The following KCNIP4 variants were observed in gnomAD, a reference collection of about 807,000 sequenced individuals.
KCNIP4 encodes the protein Kv channel-interacting protein 4.
In KCNIP4, 12 loss-of-function variants were observed where a neutral mutation model predicts 34.0. That is an observed-to-expected ratio of 0.35 (90% CI 0.23 to 0.57). The LOEUF is 0.57. Among genes scored for constraint, KCNIP4 ranks in the 20% least tolerant of loss-of-function variants. KCNIP4 has a pLI of 0.83. For missense variants in KCNIP4, 238 were observed against 311.7 expected, an observed-to-expected ratio of 0.76 and a Z score of 1.78; for synonymous variants, 124 against 102.2, an observed-to-expected ratio of 1.21 and a Z score of -1.29.
At chr4:21,651,660 G>A (rs1291946681) in intron 1 of KCNIP4, among the ~76,000 whole-genome samples, 1 of 152,144 alleles carries the variant, frequency 6.6e-6, no homozygotes, top group Admixed American at 6.6e-5. Context: ...AGAAACTAAT[G>A]AATTCTTTTA....
chr4:21,111,700 G>T (rs1360294294), intron 1 of KCNIP4, among the ~76,000 whole-genome samples: 1 of 152,200 alleles, frequency 6.6e-6, no homozygotes, highest in Non-Finnish European at 1.5e-5. Flanking sequence ...TCCTGTGGAC[G>T]CTGCCTTGGA....
At chr4:21,871,780 C>A (rs1725831999) in intron 1 of KCNIP4, among the ~76,000 whole-genome samples, 1 of 138,082 alleles carries the variant, frequency 7.2e-6, no homozygotes, top group Non-Finnish European at 1.6e-5. Flanking sequence ...CCCCACCCAC[C>A]CCCACCCCCC....
chr4:21,894,041 A>G (rs1256145974), intron 1 of KCNIP4, among the ~76,000 whole-genome samples: 1 of 152,050 alleles, frequency 6.6e-6, no homozygotes, highest in Non-Finnish European at 1.5e-5. Context: ...TTTTTAAATA[A>G]AACAATGAGG....
intron 1 of KCNIP4, among the ~76,000 whole-genome samples, chr4:21,718,073 T>G (rs1336426298): frequency 3.3e-5 from 5 of 152,206 alleles, no homozygotes; most frequent in African/African-American, 7.2e-5. Context: ...GAAATAAGCA[T>G]GCAAACTTTA....
At chr4:20,994,255 A>AT (rs1204955822) in intron 1 of KCNIP4, among the ~76,000 whole-genome samples, 1 of 152,168 alleles carries the variant, frequency 6.6e-6, no homozygotes, top group Non-Finnish European at 1.5e-5. Context: ...TATATTAGTT[A>AT]TTTTTAACAG....
chr4:20,847,653 A>G (rs1720536689), intron 3 of KCNIP4, among the ~76,000 whole-genome samples: 1 of 152,126 alleles, frequency 6.6e-6, no homozygotes, highest in Non-Finnish European at 1.5e-5. Flanking sequence ...CCTTCCTCTC[A>G]TTTCCAATCT....
At chr4:20,740,515 A>T (rs1178168222) in intron 5 of KCNIP4, among the ~76,000 whole-genome samples, 1 of 152,224 alleles carries the variant, frequency 6.6e-6, no homozygotes, top group African/African-American at 2.4e-5. Context: ...TTTACAGACA[A>T]GCAAATGCTG....
At chr4:21,517,248 T>C (rs554721368) in intron 1 of KCNIP4, among the ~76,000 whole-genome samples, 1 of 151,906 alleles carries the variant, frequency 6.6e-6, no homozygotes, top group Non-Finnish European at 1.5e-5. Context: ...CACGTCAGAG[T>C]GGGATCCAGG....
Position 21,171,935 on chromosome 4 carries a change from C to T in KCNIP4, c.62-289226G>A, listed in dbSNP as rs1289279631. ...GTTCTACAAACTCTGATCATTGAAT[C>T]GATAGGATTTCACTTAGCATAGTTC... On this transcript the variant is annotated intron_variant, in intron 1 of 8. Coordinates refer to ENST00000382152, the MANE Select transcript of KCNIP4 (RefSeq NM_025221.6). Among the ~76,000 whole-genome samples, 9 of 152,248 alleles carry T rather than the reference C, an allele frequency of 5.9e-5. No homozygotes were observed. The South Asian group carries it at 8.3e-4, about 14-fold the overall frequency.
intron 1 of KCNIP4, among the ~76,000 whole-genome samples, chr4:21,832,010 ATCC>A: frequency 6.6e-6 from 1 of 152,280 alleles, no homozygotes; most frequent in Admixed American, 6.5e-5. Flanking sequence ...AGCAAACCAA[ATCC>A]AACAGCACAT....
At chr4:21,761,398 A>C (rs1011688451) in intron 1 of KCNIP4, among the ~76,000 whole-genome samples, 1 of 152,172 alleles carries the variant, frequency 6.6e-6, no homozygotes, top group Non-Finnish European at 1.5e-5. Context: ...AATTTGGAGA[A>C]AAAATAATGA....
chr4:21,756,227 T>C (rs1717510027), intron 1 of KCNIP4, among the ~76,000 whole-genome samples: 1 of 152,214 alleles, frequency 6.6e-6, no homozygotes, highest in Non-Finnish European at 1.5e-5. Context: ...TATGTTTGTT[T>C]ACGTGCTGGT....
chr4:20,899,761 A>C (rs1387636071), intron 1 of KCNIP4, among the ~76,000 whole-genome samples: 1 of 152,166 alleles, frequency 6.6e-6, no homozygotes, highest in Admixed American at 6.5e-5. Context: ...AATATCCCTT[A>C]AAGCTTGCAG....
chr4:21,248,199 T>G (rs1190424501), intron 1 of KCNIP4, among the ~76,000 whole-genome samples: 1 of 151,896 alleles, frequency 6.6e-6, no homozygotes, highest in Non-Finnish European at 1.5e-5. Context: ...CGTACCTCTC[T>G]CTTGCCTTGT....
chr4:20,761,635 A>G (rs1257368623), intron 3 of KCNIP4, among the ~76,000 whole-genome samples: 2 of 152,176 alleles, frequency 1.3e-5, no homozygotes, highest in Non-Finnish European at 2.9e-5. Flanking sequence ...GTTGATGCTG[A>G]TAAAGGAAGA....
chr4:21,755,625 C>T (rs1375087216), intron 1 of KCNIP4, among the ~76,000 whole-genome samples: 14 of 151,958 alleles, frequency 9.2e-5, no homozygotes, highest in Admixed American at 9.2e-4. Flanking sequence ...ATAGTGGCAC[C>T]CATACATTTA....
intron 1 of KCNIP4, among the ~76,000 whole-genome samples, chr4:21,184,838 A>C (rs934822528): frequency 6.6e-6 from 1 of 152,194 alleles, no homozygotes; most frequent in African/African-American, 2.4e-5. Flanking sequence ...TACTGAGTTC[A>C]AACCACCTAG....
intron 1 of KCNIP4, among the ~76,000 whole-genome samples, chr4:21,039,789 A>G (rs955875837): frequency 1.3e-5 from 2 of 152,192 alleles, no homozygotes; most frequent in Non-Finnish European, 2.9e-5. Flanking sequence ...TCCTCAATAA[A>G]TGCTCATTTA....
At position 21,023,890 on chromosome 4, in the gene KCNIP4, C is replaced by G. The variant is rs540009856; in HGVS notation, c.62-141181G>C. ...GAGTGAGACTCTGTCTGAAAAAAAA[C>G]GAAAAAAGAAAAATCACAATGAGTT... On this transcript the variant is annotated intron_variant, in intron 1 of 8. Transcript: ENST00000382152. 3.3e-5 allele frequency among the ~76,000 whole-genome samples: 5 copies of G among 151,668 alleles called. No homozygotes were observed. The East Asian group carries it at 9.7e-4, about 29-fold the overall frequency.
Sources: gnomAD v4.1 joint callset for allele counts (sites outside exome capture counted in the v4.1 genomes callset) on GRCh38, gnomAD v4.1.1 for gene constraint, MANE v1.5 for transcripts, NCBI Gene and HGNC (gene_info 2026-07-23, HGNC 2026-07-21) for gene names.